Variants in DACH2 observed in about 807,000 individuals in gnomAD.
DACH2 encodes the protein dachshund family transcription factor 2.
In DACH2, 17 loss-of-function variants were observed where a neutral mutation model predicts 35.8. The ratio of observed to expected loss-of-function variants is 0.48; its 90% confidence interval spans 0.33 to 0.71. The LOEUF is 0.71. Among genes scored for constraint, DACH2 ranks in the 30% least tolerant of loss-of-function variants. The pLI is 0.02. For missense variants in DACH2, 469 were observed against 472.7 expected (o/e 0.99, Z 0.07); for synonymous variants, 195 against 177.3 (o/e 1.10, Z -0.79).
intron 7 of DACH2, among the ~76,000 whole-genome samples, chrX:86,768,124 G>T (rs1477902784): frequency 1.8e-5 from 2 of 111,255 alleles, no homozygotes; most frequent in Non-Finnish European, 3.8e-5. Flanking sequence ...AGAGTACTGT[G>T]CTCAAAGCAC....
intron 1 of DACH2, among the ~76,000 whole-genome samples, chrX:86,269,407 A>G (rs1193568881): frequency 9.0e-6 from 1 of 111,652 alleles, no homozygotes; most frequent in Non-Finnish European, 1.9e-5. Context: ...GTTGATGACA[A>G]CTTTGAGGAC....
chrX:86,523,377 G>A (rs867119650), intron 3 of DACH2, among the ~76,000 whole-genome samples: 1 of 111,423 alleles, frequency 9.0e-6, no homozygotes, highest in Non-Finnish European at 1.9e-5. Context: ...ATGCTAAGAA[G>A]TGGTCATAAA....
chrX:86,756,481 T>C (rs2041830524), intron 7 of DACH2, among the ~76,000 whole-genome samples: 1 of 109,879 alleles, frequency 9.1e-6, no homozygotes, highest in Non-Finnish European at 1.9e-5. Flanking sequence ...AGGTTTTTTT[T>C]TTTTTTTATT....
intron 3 of DACH2, among the ~76,000 whole-genome samples, chrX:86,617,254 T>G (rs748559884): frequency 2.0e-4 from 22 of 111,450 alleles, no homozygotes; most frequent in Non-Finnish European, 2.3e-4. Flanking sequence ...GGCTCTTTTT[T>G]TTGTTGTTGT....
chrX:86,355,226 G>A (rs1214713564), intron 1 of DACH2, among the ~76,000 whole-genome samples: 1 of 112,284 alleles, frequency 8.9e-6, no homozygotes, highest in Non-Finnish European at 1.9e-5. Flanking sequence ...TTGCTACAGA[G>A]GACATGATCT....
intron 2 of DACH2, among the ~76,000 whole-genome samples, chrX:86,461,130 C>A (rs186025874): frequency 3.1e-4 from 35 of 111,423 alleles, no homozygotes; most frequent in South Asian, 1.1e-3. Flanking sequence ...CCCATGAATT[C>A]CAGTGTAGTC....
chrX:86,670,343 TTTATTGTAGGACATAC>T (rs1204430089), intron 4 of DACH2, among the ~76,000 whole-genome samples: 1 of 112,032 alleles, frequency 8.9e-6, no homozygotes, highest in African/African-American at 3.2e-5. Flanking sequence ...TGTGGATTAC[TTTATTGTAGGACATAC>T]TGTTATTCTA....
At chrX:86,177,398 G>C (rs1288927448) in intron 1 of DACH2, among the ~76,000 whole-genome samples, 1 of 112,100 alleles carries the variant, frequency 8.9e-6, no homozygotes, top group African/African-American at 3.2e-5. Context: ...AACAGCTCTT[G>C]CTGTAGTCAC....
At chrX:86,802,517 C>G (rs1388053332) in intron 7 of DACH2, among the ~76,000 whole-genome samples, 1 of 56,591 alleles carries the variant, frequency 1.8e-5, no homozygotes, top group Non-Finnish European at 3.1e-5. Context: ...AGAGAAGTTT[C>G]TTTCTTGGTT....
At chrX:86,267,866 A>G (rs1269075887) in intron 1 of DACH2, among the ~76,000 whole-genome samples, 1 of 112,121 alleles carries the variant, frequency 8.9e-6, no homozygotes, top group Non-Finnish European at 1.9e-5. Flanking sequence ...AAATCTCACT[A>G]TACATTGGCT....
intron 3 of DACH2, among the ~76,000 whole-genome samples, chrX:86,538,628 A>C (rs907134712): frequency 1.8e-5 from 2 of 111,679 alleles, no homozygotes; most frequent in East Asian, 5.7e-4. Context: ...AGGTGGCAAA[A>C]GGCAAGATAG....
chrX:86,478,521 GT>G (rs1358006886), intron 2 of DACH2, among the ~76,000 whole-genome samples: 1 of 100,110 alleles, frequency 1.0e-5, no homozygotes, highest in African/African-American at 3.6e-5. Context: ...GCTGCTTTTA[GT>G]TTTTTTCTTT....
intron 2 of DACH2, among the ~76,000 whole-genome samples, chrX:86,421,714 G>T (rs891210763): frequency 4.5e-5 from 5 of 110,883 alleles, no homozygotes; most frequent in South Asian, 7.4e-4. Flanking sequence ...TATTGGTATT[G>T]GTTTCCTTTG....
At chrX:86,243,222 C>A (rs2033206455) in intron 1 of DACH2, among the ~76,000 whole-genome samples, 1 of 111,041 alleles carries the variant, frequency 9.0e-6, no homozygotes, top group Middle Eastern at 4.2e-3. Flanking sequence ...TACAAAGGAG[C>A]AGATACATAG....
chrX:86,413,563 G>T (rs917055766), intron 2 of DACH2, among the ~76,000 whole-genome samples: 1 of 111,839 alleles, frequency 8.9e-6, no homozygotes, highest in African/African-American at 3.3e-5. Context: ...AGTTGAATAG[G>T]GATGTAGTGG....
intron 2 of DACH2, among the ~76,000 whole-genome samples, chrX:86,447,196 C>T (rs1340507417): frequency 1.2e-4 from 12 of 96,021 alleles, no homozygotes; most frequent in African/African-American, 4.2e-4. Context: ...TGGATATTAG[C>T]CCTTTGTCAG....
intron 3 of DACH2, among the ~76,000 whole-genome samples, chrX:86,616,274 T>C (rs889808965): frequency 5.4e-5 from 6 of 111,940 alleles, no homozygotes; most frequent in African/African-American, 1.9e-4. Flanking sequence ...TTATATTCCT[T>C]TGGGCATGTA....
chrX:86,667,521 GAAAGAAAGAAAGAAAGAAAGAAAGAAGA>G lies in DACH2; in HGVS notation c.772+16357_772+16384del, dbSNP rs1569463584. Among the ~76,000 whole-genome samples, 31 of 56,447 alleles carry G rather than the reference GAAAGAAAGAAAGAAAGAAAGAAAGAAGA, an allele frequency of 5.5e-4. No individual in the cohort carries two copies. The East Asian group carries it at 7.0e-3, about 13-fold the overall frequency. The allele number at this position is 56,447 out of a possible 115,157, so 49.0% of individuals were successfully genotyped here. The stretch of plus-strand genomic sequence containing the variant: ...AAAGAGAAAGAAAGAAAGAAAGAAA[GAAAGAAAGAAAGAAAGAAAGAAAGAAGA>G]AAGAAAGAAAGAAAGAAAGAAAGAA... On this transcript the variant is annotated intron_variant, in intron 4 of 11. Coordinates refer to ENST00000373125, the MANE Select transcript of DACH2 (RefSeq NM_053281.3).
chrX:86,789,546 C>A (rs1473828100), intron 7 of DACH2, among the ~76,000 whole-genome samples: 2 of 111,675 alleles, frequency 1.8e-5, no homozygotes, highest in African/African-American at 6.5e-5. Context: ...ATATCCCTGT[C>A]TTTTAATTAT....
Sources: allele counts gnomAD v4.1 joint callset (sites outside exome capture counted in the v4.1 genomes callset), GRCh38; gene constraint gnomAD v4.1.1; transcripts MANE v1.5; gene names NCBI Gene and HGNC (gene_info 2026-07-23, HGNC 2026-07-21).